The following RALYL variants were observed in gnomAD, a reference collection of about 807,000 sequenced individuals.
RALYL encodes the protein RALY RNA binding protein like, also known as RNA-binding Raly-like protein.
A neutral mutation model predicts 35.1 loss-of-function variants in RALYL; 29 were observed. The ratio of observed to expected loss-of-function variants is 0.83; its 90% confidence interval spans 0.61 to 1.13. The LOEUF is 1.13. Among genes scored for constraint, RALYL ranks in the 50% most tolerant of loss-of-function variants. The pLI, the probability that RALYL is intolerant of heterozygous loss-of-function variation, is 0.00. For missense variants in RALYL, 359 were observed against 360.4 expected, an observed-to-expected ratio of 1.00 and a Z score of 0.03; for synonymous variants, 120 against 127.6, an observed-to-expected ratio of 0.94 and a Z score of 0.40.
intron 1 of RALYL, among the ~76,000 whole-genome samples, chr8:84,337,448 ATCAT>A (rs1392503878): frequency 6.6e-6 from 1 of 152,020 alleles, no homozygotes; most frequent in African/African-American, 2.4e-5. Flanking sequence ...GCTGCAGAAG[ATCAT>A]TCATCCATGT....
intron 1 of RALYL, among the ~76,000 whole-genome samples, chr8:84,432,318 T>C (rs776800408): frequency 6.6e-6 from 1 of 151,486 alleles, no homozygotes; most frequent in Non-Finnish European, 1.5e-5. Context: ...ATATGAGGAG[T>C]CTAAAATAGT....
At chr8:84,216,725 A>T (rs1820925483) in intron 1 of RALYL, among the ~76,000 whole-genome samples, 1 of 151,350 alleles carries the variant, frequency 6.6e-6, no homozygotes, top group African/African-American at 2.5e-5. Context: ...CATGTGGCTA[A>T]TGATCACTTG....
At chr8:84,210,124 G>T (rs1352966990) in intron 1 of RALYL, among the ~76,000 whole-genome samples, 3 of 152,042 alleles carry the variant, frequency 2.0e-5, no homozygotes, top group African/African-American at 7.2e-5. Flanking sequence ...TAGATATTCT[G>T]ATGTTTTTGA....
In RALYL at chr8:84,454,928, T is replaced by A. The variant is rs142445821; in HGVS notation, c.-23-74371T>A. ...TTTGCTATGTACTAGAAATTAGAAG[T>A]AGAGAATACTCTTCACACTGCAGAA... On this transcript the variant is annotated intron_variant, in intron 1 of 8. Coordinates refer to ENST00000521268, the MANE Select transcript of RALYL (RefSeq NM_173848.7). 9.3e-3 allele frequency among the ~76,000 whole-genome samples: 1,410 copies of A among 152,212 alleles called. 20 individuals are homozygous for A. Among genetic ancestry groups the A allele is most frequent in the African/African-American group, 0.032 (1,315 of 41,556 alleles).
At chr8:84,444,167 A>G (rs2048623209) in intron 1 of RALYL, among the ~76,000 whole-genome samples, 1 of 152,104 alleles carries the variant, frequency 6.6e-6, no homozygotes, top group Non-Finnish European at 1.5e-5. Context: ...CATCTCTACA[A>G]AATATAAAAA....
chr8:84,501,845 C>A (rs910412856), intron 1 of RALYL, among the ~76,000 whole-genome samples: 20 of 149,762 alleles, frequency 1.3e-4, no homozygotes, highest in African/African-American at 4.6e-4. Context: ...AATATAGATC[C>A]TAAGCCTATA....
rs1269742456 is a variant in RALYL at position 84,699,212 on chromosome 8, C to T, written c.257-75367C>T. On this transcript the variant is annotated intron_variant, in intron 2 of 8. Coordinates refer to ENST00000521268, the MANE Select transcript of RALYL (RefSeq NM_173848.7). ...ATGTTTTAATTTCTCATCAGGATTC[C>T]CTATAAACTCAGTACTATCCCTTCA... 5.3e-5 allele frequency among the ~76,000 whole-genome samples: 8 copies of T among 151,984 alleles called. No homozygotes were observed. The East Asian group carries it at 5.8e-4, about 11-fold the overall frequency.
intron 1 of RALYL, among the ~76,000 whole-genome samples, chr8:84,469,658 G>T (rs183996577): frequency 1.7e-3 from 252 of 152,314 alleles, no homozygotes; most frequent in African/African-American, 6.0e-3. Context: ...GAGCTGTGGT[G>T]GGCTCCACCC....
At chr8:84,754,864 C>T (rs1336274732) in intron 2 of RALYL, among the ~76,000 whole-genome samples, 1 of 152,126 alleles carries the variant, frequency 6.6e-6, no homozygotes, top group African/African-American at 2.4e-5. Context: ...GCCAGGTTCT[C>T]TTCTAAGTGT....
Position 84,774,576 on chromosome 8 carries a change from C to G in RALYL, c.257-3C>G. Reference sequence around the variant, plus strand: ...TCAGTACTGTTTTATTTTATGCTTTCAGATATCAACATGGCAGGAGAGCCC... The same window carrying G: ...TCAGTACTGTTTTATTTTATGCTTTGAGATATCAACATGGCAGGAGAGCCC... On this transcript the variant is annotated splice_polypyrimidine_tract_variant and splice_region_variant and intron_variant, in intron 2 of 8. Transcript: ENST00000521268. The G allele has an allele frequency of 5.0e-6, 8 of 1,593,678 alleles. No individual in the cohort carries two copies. The highest frequency in any genetic ancestry group is 6.9e-6 in the Non-Finnish European group (8 of 1,166,944).
intron 8 of RALYL, among the ~76,000 whole-genome samples, chr8:84,903,683 T>C (rs1321736050): frequency 1.3e-5 from 2 of 152,186 alleles, no homozygotes; most frequent in Non-Finnish European, 2.9e-5. Flanking sequence ...TGCCTATTTT[T>C]GTGTAGGGTG....
chr8:84,205,109 T>G (rs1817758646), intron 1 of RALYL, among the ~76,000 whole-genome samples: 2 of 152,218 alleles, frequency 1.3e-5, no homozygotes, highest in African/African-American at 2.4e-5. Flanking sequence ...GATTTGATTA[T>G]TTACAAATAT....
chr8:84,208,558 A>G (rs540294134), intron 1 of RALYL, among the ~76,000 whole-genome samples: 23 of 152,244 alleles, frequency 1.5e-4, no homozygotes, highest in African/African-American at 5.5e-4. Context: ...AAGAATAGAG[A>G]AACTTGGAAG....
chr8:84,643,516 G>A (rs1001568338), intron 2 of RALYL, among the ~76,000 whole-genome samples: 2 of 151,938 alleles, frequency 1.3e-5, no homozygotes, highest in African/African-American at 2.4e-5. Flanking sequence ...ATTCCCTAAC[G>A]TTCCAGCCAT....
intron 1 of RALYL, among the ~76,000 whole-genome samples, chr8:84,364,250 T>C (rs1206653284): frequency 6.6e-6 from 1 of 152,156 alleles, no homozygotes; most frequent in Non-Finnish European, 1.5e-5. Flanking sequence ...TATAAATAGC[T>C]CGCTTTTCTT....
At position 84,804,737 on chromosome 8, in the gene RALYL, A is replaced by C. The variant is rs376315589; in HGVS notation, c.333-33A>C. 4 of 1,104,160 alleles carry C rather than the reference A, an allele frequency of 3.6e-6. No individual in the cohort carries two copies. In the South Asian group the frequency reaches 9.0e-5, roughly 25 times the overall value. The allele number at this position is 1,104,160 out of a possible 1,614,324, so 68.4% of individuals were successfully genotyped here. On this transcript the variant is annotated intron_variant, in intron 3 of 8. Transcript: ENST00000521268. ...ATTTTTGAATATACAGCAAATTTTT[A>C]TATTAAAAGAAAATTTTCATATTTT...
At position 84,442,696 on chromosome 8, in the gene RALYL, C is replaced by A. The variant is rs1316764490; in HGVS notation, c.-23-86603C>A. Among the ~76,000 whole-genome samples, 3 of 152,192 alleles carry A rather than the reference C, an allele frequency of 2.0e-5. No individual in the cohort carries two copies. In the East Asian group the frequency reaches 5.8e-4, roughly 30 times the overall value. On this transcript the variant is annotated intron_variant, in intron 1 of 8. Transcript: ENST00000521268. ...AAGCTGTGAACTACATTTTTGGTTG[C>A]AAGCTTGGAGGCAGAGGATACTCTG... is the stretch of plus-strand genomic sequence containing the variant.
intron 1 of RALYL, among the ~76,000 whole-genome samples, chr8:84,298,703 C>T (rs559363800): frequency 6.6e-6 from 1 of 152,130 alleles, no homozygotes; most frequent in African/African-American, 2.4e-5. Flanking sequence ...AAATATTTTT[C>T]CATTTGTTTG....
chr8:84,757,574 A>T (rs1250956764), intron 2 of RALYL, among the ~76,000 whole-genome samples: 2 of 152,174 alleles, frequency 1.3e-5, no homozygotes, highest in Non-Finnish European at 2.9e-5. Context: ...ACTTCCATTT[A>T]AAAGAACTTG....
Sources: gnomAD v4.1 joint callset for allele counts (sites outside exome capture counted in the v4.1 genomes callset) on GRCh38, gnomAD v4.1.1 for gene constraint, MANE v1.5 for transcripts, NCBI Gene and HGNC (gene_info 2026-07-23, HGNC 2026-07-21) for gene names.